Variants in HMGB1 observed in about 807,000 individuals in gnomAD.
The protein encoded by HMGB1 is high mobility group box 1.
For synonymous variants in HMGB1, 81 were observed against 84.0 expected (o/e 0.96, Z 0.19); for missense variants, 79 against 253.5 (o/e 0.31, Z 4.67).
chr13:30,485,034 C>CTT (rs59990628), intron 1 of HMGB1, among the ~76,000 whole-genome samples: 21,925 of 134,470 alleles, frequency 0.16, 2,495 homozygotes, highest in East Asian at 0.44. Context: ...TTTTCTTTTT[C>CTT]TTTTTTTTTT....
chr13:30,617,403 G>C (rs916073753), exon 1 of HMGB1: 4 of 151,954 alleles, frequency 2.6e-5, no homozygotes, highest in Admixed American at 6.5e-5. Flanking sequence ...GACTACGGAT[G>C]CCCGGCGCGG....
intron 3 of HMGB1, among the ~76,000 whole-genome samples, chr13:30,462,946 G>A (rs960846726): frequency 5.3e-5 from 8 of 152,110 alleles, no homozygotes; most frequent in African/African-American, 1.9e-4. Flanking sequence ...CTATTTCAAA[G>A]GGATAGTATT....
chr13:30,460,477 G>A lies in HMGB1; in HGVS notation c.*880C>T, dbSNP rs1886250854. 6.6e-6 allele frequency: 1 copy of A among 151,162 alleles called. No homozygotes were observed. Among genetic ancestry groups the A allele is most frequent in the African/African-American group, 2.4e-5 (1 of 40,920 alleles). 9.4% of individuals were successfully genotyped at this position (151,162 alleles called of 1,614,324 possible). A position where few individuals can be genotyped will look rare whatever the true frequency, so the allele number is the denominator to read the frequency against. On this transcript the variant is annotated 3_prime_UTR_variant, in exon 5 of 5. Coordinates refer to ENST00000341423, the MANE Select transcript of HMGB1 (RefSeq NM_002128.7). ...ACATTCTCAGGTCTTCTTTAATGTG[G>A]GAACTGCAAAATATAACTGCCATTA... is the stretch of plus-strand genomic sequence containing the variant.
intron 1 of HMGB1, among the ~76,000 whole-genome samples, chr13:30,571,567 T>C (rs1420696587): frequency 6.6e-6 from 1 of 152,214 alleles, no homozygotes; most frequent in Non-Finnish European, 1.5e-5. Flanking sequence ...GTGCTGGGAT[T>C]ACAGGCGTGA....
chr13:30,616,000 T>C (rs1211062748), intron 1 of HMGB1, among the ~76,000 whole-genome samples: 1 of 152,244 alleles, frequency 6.6e-6, no homozygotes, highest in Admixed American at 6.5e-5. Context: ...CTGCACTCTC[T>C]CTGGGACCAG....
At chr13:30,555,033 G>GTTTTTTTTTTTTTT (rs1007919529) in intron 1 of HMGB1, among the ~76,000 whole-genome samples, 2 of 72,440 alleles carry the variant, frequency 2.8e-5, no homozygotes, top group Non-Finnish European at 4.8e-5. Context: ...GTGTCGTTGT[G>GTTTTTTTTTTTTTT]TTTTTTTTTT....
At chr13:30,544,776 C>A (rs142489004) in intron 1 of HMGB1, among the ~76,000 whole-genome samples, 2 of 152,186 alleles carry the variant, frequency 1.3e-5, no homozygotes, top group African/African-American at 4.8e-5. Flanking sequence ...GAGGTGGGAA[C>A]GCCTGATTTG....
intron 1 of HMGB1, among the ~76,000 whole-genome samples, chr13:30,495,348 T>C (rs1887585074): frequency 6.6e-6 from 1 of 152,216 alleles, no homozygotes; most frequent in African/African-American, 2.4e-5. Flanking sequence ...CCACTCTCCT[T>C]TTGAACAACT....
At chr13:30,484,781 AGAGG>A (rs1566002330) in intron 1 of HMGB1, among the ~76,000 whole-genome samples, 4 of 151,820 alleles carry the variant, frequency 2.6e-5, no homozygotes, top group Non-Finnish European at 5.9e-5. Context: ...AGAGGAGAGG[AGAGG>A]AGAGAAGAAG....
intron 1 of HMGB1, among the ~76,000 whole-genome samples, chr13:30,494,039 AG>A (rs1399189490): frequency 1.3e-5 from 2 of 152,188 alleles, no homozygotes; most frequent in Non-Finnish European, 2.9e-5. Flanking sequence ...CACTTTAAAT[AG>A]GTGCAATTTA....
intron 1 of HMGB1, among the ~76,000 whole-genome samples, chr13:30,538,549 CTTTCTTTTTCTTTCTTCTTTTT>C (rs1593297474): frequency 1.8e-4 from 14 of 78,840 alleles, no homozygotes; most frequent in African/African-American, 3.2e-4. Flanking sequence ...TTCTTTCTTT[CTTTCTTTTTCTTTCTTCTTTTT>C]CTTTCTTTCT....
chr13:30,488,645 TTTATTATTATTA>T (rs58604214), intron 1 of HMGB1, among the ~76,000 whole-genome samples: 27,494 of 137,658 alleles, frequency 0.2, 3,080 homozygotes, highest in East Asian at 0.42. Flanking sequence ...AATTTTTAAT[TTTATTATTATTA>T]TTATTATTAT....
chr13:30,463,813 A>C, intron 1 of HMGB1, 119 bp from the exon 2 acceptor site: 2 of 633,186 alleles, frequency 3.2e-6, no homozygotes, highest in African/African-American at 1.9e-5. Context: ...AGCGACATCA[A>C]CCTCCGTAAA....
chr13:30,518,159 T>G (rs1888142353), intron 1 of HMGB1, among the ~76,000 whole-genome samples: 3 of 151,598 alleles, frequency 2.0e-5, no homozygotes, highest in Non-Finnish European at 4.4e-5. Flanking sequence ...TAGCGAGACT[T>G]CATCTCTACT....
chr13:30,571,508 C>T lies in HMGB1; in HGVS notation c.-15+45163G>A, dbSNP rs575974800. Among the ~76,000 whole-genome samples, 4 of 152,156 alleles carry T rather than the reference C, an allele frequency of 2.6e-5. No homozygotes were observed. In the East Asian group the frequency reaches 7.7e-4, roughly 29 times the overall value. On this transcript the variant is annotated intron_variant, in intron 1 of 4. Transcript: ENST00000405805. ...ACGGGGTTTCACCATGCTGGCCAGG[C>T]TGGTCTTGAACTCCTGACCTTGTGA...
At chr13:30,561,005 T>A (rs1869928325) in intron 1 of HMGB1, among the ~76,000 whole-genome samples, 1 of 148,768 alleles carries the variant, frequency 6.7e-6, no homozygotes, top group Non-Finnish European at 1.5e-5. Context: ...GAAAGAAGAG[T>A]CAGATGAGGA....
intron 1 of HMGB1, among the ~76,000 whole-genome samples, chr13:30,565,463 G>C (rs1351956383): frequency 6.6e-6 from 1 of 152,176 alleles, no homozygotes; most frequent in African/African-American, 2.4e-5. Context: ...ATGCTTATAG[G>C]TAACCTCCCA....
chr13:30,546,647 C>T (rs993387610), intron 1 of HMGB1, among the ~76,000 whole-genome samples: 1 of 151,740 alleles, frequency 6.6e-6, no homozygotes, highest in African/African-American at 2.4e-5. Context: ...CCATGCCCAG[C>T]TAATTTTTGT....
At chr13:30,522,450 G>A (rs577908456) in intron 1 of HMGB1, among the ~76,000 whole-genome samples, 2 of 151,952 alleles carry the variant, frequency 1.3e-5, no homozygotes, top group Admixed American at 6.6e-5. Context: ...TTACCCCTCC[G>A]GGCTGTTCCA....
Sources: allele counts gnomAD v4.1 joint callset (sites outside exome capture counted in the v4.1 genomes callset), GRCh38; gene constraint gnomAD v4.1.1; transcripts MANE v1.5; gene names NCBI Gene and HGNC (gene_info 2026-07-23, HGNC 2026-07-21).